The following PRKD3 variants were observed in gnomAD, a reference collection of about 807,000 sequenced individuals.
The protein encoded by PRKD3 is serine/threonine-protein kinase D3.
PRKD3 carries 47 observed loss-of-function variants against 99.2 expected under a neutral mutation model. The observed-to-expected ratio is 0.47, with a 90% confidence interval of 0.38 to 0.60. PRKD3 has a LOEUF of 0.60. Among genes scored for constraint, PRKD3 ranks in the 20% least tolerant of loss-of-function variants. The pLI, the probability that PRKD3 is intolerant of heterozygous loss-of-function variation, is 0.00. For synonymous variants in PRKD3, 392 were observed against 355.4 expected, an observed-to-expected ratio of 1.10 and a Z score of -1.16; for missense variants, 1,019 against 1,088.4, an observed-to-expected ratio of 0.94 and a Z score of 0.90.
Position 37,256,660 on chromosome 2 carries a change from AC to A in PRKD3, c.2413+1del. 1 of 1,032,322 alleles carries A rather than the reference AC, an allele frequency of 9.7e-7. No individual in the cohort carries two copies. Among genetic ancestry groups the A allele is most frequent in the Non-Finnish European group, 1.2e-6 (1 of 805,106 alleles). 63.9% of individuals were successfully genotyped at this position (1,032,322 alleles called of 1,614,324 possible). A position where few individuals can be genotyped will look rare whatever the true frequency, so the allele number is the denominator to read the frequency against. On this transcript the variant is annotated splice_donor_variant, in intron 17 of 18. Transcript: ENST00000234179. LOFTEE classifies it high-confidence loss of function. ...TTTTTTTTTTTTTTTTTTTTTTTTTACCTTCACCAGAAATTTCTCTCCATGG... is the reference window on the plus strand; with the variant it reads ...TTTTTTTTTTTTTTTTTTTTTTTTTACTTCACCAGAAATTTCTCTCCATGG...
At chr2:37,302,275 A>G (rs1198035713) in intron 2 of PRKD3, among the ~76,000 whole-genome samples, 2 of 152,184 alleles carry the variant, frequency 1.3e-5, no homozygotes, top group East Asian at 1.9e-4. Flanking sequence ...TGCTTACTAC[A>G]AACTGTGCCG....
intron 2 of PRKD3, among the ~76,000 whole-genome samples, chr2:37,295,934 CAG>C (rs892249868): frequency 5.9e-5 from 9 of 152,136 alleles, no homozygotes; most frequent in African/African-American, 2.2e-4. Context: ...AGAAAAGTAT[CAG>C]AGTCTGAATT....
At chr2:37,311,842 C>G (rs563601824) in intron 2 of PRKD3, among the ~76,000 whole-genome samples, 3 of 152,232 alleles carry the variant, frequency 2.0e-5, no homozygotes, top group African/African-American at 4.8e-5. Context: ...AACTCTTAAA[C>G]AGACTCCCAC....
At position 37,252,154 on chromosome 2, in the gene PRKD3, G is replaced by C. The variant is rs1179224156; in HGVS notation, c.*1023C>G. 6.6e-6 allele frequency: 1 copy of C among 152,114 alleles called. No homozygotes were observed. The highest frequency in any genetic ancestry group is 2.4e-5 in the African/African-American group (1 of 41,418). 9.4% of individuals were successfully genotyped at this position (152,114 alleles called of 1,614,324 possible). A position where few individuals can be genotyped will look rare whatever the true frequency, so the allele number is the denominator to read the frequency against. Reference sequence around the variant, plus strand: ...AAATAATTGACTTTAAAACACTCCAGATATCTGCAAAGCCCAATAGGCTAG... The same window carrying C: ...AAATAATTGACTTTAAAACACTCCACATATCTGCAAAGCCCAATAGGCTAG... On this transcript the variant is annotated 3_prime_UTR_variant, in exon 19 of 19. Transcript: ENST00000234179.
chr2:37,291,918 T>A (rs1398404213), intron 3 of PRKD3, among the ~76,000 whole-genome samples: 1 of 152,224 alleles, frequency 6.6e-6, no homozygotes, highest in Non-Finnish European at 1.5e-5. Context: ...TATTATGGCA[T>A]TCTTTCTTCC....
chr2:37,260,017 T>A (rs1668290403), intron 15 of PRKD3, among the ~76,000 whole-genome samples: 1 of 152,024 alleles, frequency 6.6e-6, no homozygotes, highest in South Asian at 2.1e-4. Flanking sequence ...ATACAAAAAT[T>A]AGCCAGGCGT....
At chr2:37,271,545 C>T (rs72792829) in intron 12 of PRKD3, among the ~76,000 whole-genome samples, 38,723 of 152,054 alleles carry the variant, frequency 0.25, 5,670 homozygotes, top group East Asian at 0.54. Context: ...TAACTGTTTG[C>T]GGCCTGTTAG....
intron 2 of PRKD3, among the ~76,000 whole-genome samples, chr2:37,299,360 G>A (rs1430337639): frequency 6.6e-6 from 1 of 151,966 alleles, no homozygotes; most frequent in African/African-American, 2.4e-5. Flanking sequence ...AAATAAAAAT[G>A]GACAAAGGGG....
At chr2:37,262,480 C>A (rs3770766) in intron 14 of PRKD3, among the ~76,000 whole-genome samples, 66,223 of 152,008 alleles carry the variant, frequency 0.44, 14,894 homozygotes, top group African/African-American at 0.47. Flanking sequence ...ATTTTAAACC[C>A]ATTTTATGAG....
intron 16 of PRKD3, among the ~76,000 whole-genome samples, chr2:37,258,234 G>A (rs1372550562): frequency 6.6e-6 from 1 of 152,178 alleles, no homozygotes; most frequent in Non-Finnish European, 1.5e-5. Context: ...TGCTATTTCT[G>A]GGATGGTGGA....
intron 14 of PRKD3, among the ~76,000 whole-genome samples, chr2:37,263,051 T>A (rs1053319741): frequency 1.3e-5 from 2 of 152,144 alleles, no homozygotes; most frequent in Non-Finnish European, 1.5e-5. Context: ...TTAATTTTCA[T>A]TTTTGATCTG....
At chr2:37,270,421 G>C (rs887229927) in intron 12 of PRKD3, among the ~76,000 whole-genome samples, 5 of 147,708 alleles carry the variant, frequency 3.4e-5, no homozygotes, top group Non-Finnish European at 5.9e-5. Flanking sequence ...CTGAAGAAAA[G>C]AATATGTATG....
chr2:37,292,750 A>G (rs1037590131), intron 3 of PRKD3, among the ~76,000 whole-genome samples: 1 of 151,986 alleles, frequency 6.6e-6, no homozygotes, highest in Admixed American at 6.6e-5. Context: ...GGATCAGGCA[A>G]TCCTCCCACC....
At chr2:37,310,603 T>C (rs992558447) in intron 2 of PRKD3, among the ~76,000 whole-genome samples, 2 of 152,222 alleles carry the variant, frequency 1.3e-5, no homozygotes, top group Non-Finnish European at 2.9e-5. Flanking sequence ...ATCATAAAGC[T>C]TAGTTTTATA....
chr2:37,306,330 T>C (rs1025757107), intron 2 of PRKD3, among the ~76,000 whole-genome samples: 3 of 152,326 alleles, frequency 2.0e-5, no homozygotes, highest in East Asian at 3.9e-4. Context: ...CCAGTACCAT[T>C]AGTTCTTCGG....
intron 16 of PRKD3, among the ~76,000 whole-genome samples, chr2:37,257,786 G>GTGT (rs1415241374): frequency 3.9e-5 from 6 of 151,928 alleles, no homozygotes; most frequent in Non-Finnish European, 8.8e-5. Flanking sequence ...TAAAACTGAG[G>GTGT]TGTATTAAAG....
chr2:37,253,286 T>C lies in PRKD3; in HGVS notation c.2564A>G (p.His855Arg), dbSNP rs1667659305. 1.2e-6 allele frequency: 2 copies of C among 1,613,276 alleles called. No homozygotes were observed. The highest frequency in any genetic ancestry group is 1.1e-5 in the South Asian group (1 of 90,976). The change falls in exon 19 of 19, where the codon CAT (histidine) becomes CGT (arginine). Residue 855 changes from histidine (H) to arginine (R), a missense_variant. Physicochemically the swap from His to Arg is conservative, Grantham distance 29 (BLOSUM62 0). Transcript: ENST00000234179. Reference protein sequence around the residue: ...ETRIGERYITHESDDARWEIH... With the variant: ...ETRIGERYITRESDDARWEIH... ...TTCCCAGCGAGCATCATCACTTTCATGTGTAATGTAACGTTCTCCAATGCG... is the reference window on the plus strand; with the variant it reads ...TTCCCAGCGAGCATCATCACTTTCACGTGTAATGTAACGTTCTCCAATGCG...
chr2:37,265,689 A>T (rs920446268), intron 14 of PRKD3, among the ~76,000 whole-genome samples: 4 of 152,226 alleles, frequency 2.6e-5, no homozygotes, highest in Non-Finnish European at 4.4e-5. Flanking sequence ...TATCTGACAT[A>T]AACAATTTGA....
Position 37,293,283 on chromosome 2 carries a change from T to C in PRKD3, c.289-12A>G, listed in dbSNP as rs377423810. ...CCACACTCTGGAAACTGAGGGATAA[T>C]AGTCCTATATCAGTATGACCACAGT... On this transcript the variant is annotated splice_polypyrimidine_tract_variant and intron_variant, in intron 2 of 18. Transcript: ENST00000234179. 104 of 1,583,424 alleles carry C rather than the reference T, an allele frequency of 6.6e-5. No homozygotes were observed. Among genetic ancestry groups the C allele is most frequent in the East Asian group, 5.2e-4 (23 of 44,172 alleles).
Sources: gnomAD v4.1 joint callset for allele counts (sites outside exome capture counted in the v4.1 genomes callset) on GRCh38, gnomAD v4.1.1 for gene constraint, MANE v1.5 for transcripts, NCBI Gene and HGNC (gene_info 2026-07-23, HGNC 2026-07-21) for gene names.